AGBL4: variants seen among roughly 807,000 people sequenced by gnomAD.
AGBL4 encodes the protein AGBL carboxypeptidase 4.
AGBL4 carries 58 observed loss-of-function variants against 66.4 expected under a neutral mutation model. The ratio of observed to expected loss-of-function variants is 0.87; its 90% CI spans 0.71 to 1.09. The LOEUF (loss-of-function observed/expected upper bound fraction) is 1.09. Ranked by LOEUF, AGBL4 falls within the 50% of genes least tolerant of loss-of-function variation. The pLI is 0.00. For missense variants in AGBL4, 579 were observed against 631.0 expected, an observed-to-expected ratio of 0.92 and a Z score of 0.88; for synonymous variants, 234 against 222.9, an observed-to-expected ratio of 1.05 and a Z score of -0.44.
In AGBL4 at chr1:48,986,369, A is replaced by G. The variant is rs998626665; in HGVS notation, c.594+59215T>C. 6.6e-5 allele frequency among the ~76,000 whole-genome samples: 10 copies of G among 152,198 alleles called. 1 individual carries two copies. The highest frequency in any genetic ancestry group is 4.1e-4 in the South Asian group (2 of 4,824). On this transcript the variant is annotated intron_variant, in intron 5 of 13. Transcript: ENST00000371839. ...GAAAACTATACCAGGGCACATCATA[A>G]TCAATTTGTTTAAAGTCAGTAATAA... is the stretch of plus-strand genomic sequence containing the variant.
chr1:48,675,742 T>C (rs1646354535), intron 6 of AGBL4, among the ~76,000 whole-genome samples: 1 of 152,156 alleles, frequency 6.6e-6, no homozygotes, highest in Admixed American at 6.5e-5. Context: ...TAGAGCTGAG[T>C]ATGGTCTAAT....
intron 6 of AGBL4, among the ~76,000 whole-genome samples, chr1:48,790,476 G>A (rs1430860969): frequency 6.6e-6 from 1 of 152,092 alleles, no homozygotes; most frequent in African/African-American, 2.4e-5. Context: ...TTATGAAACA[G>A]AAACAGATTC....
chr1:49,150,914 A>G (rs1220678622), intron 4 of AGBL4, among the ~76,000 whole-genome samples: 1 of 152,172 alleles, frequency 6.6e-6, no homozygotes, highest in Non-Finnish European at 1.5e-5. Context: ...ATACTGAGAA[A>G]TATTTCTGAA....
intron 3 of AGBL4, among the ~76,000 whole-genome samples, chr1:49,464,756 A>G (rs1340411205): frequency 6.6e-6 from 1 of 151,708 alleles, no homozygotes; most frequent in Non-Finnish European, 1.5e-5. Flanking sequence ...TAGAAAAAAA[A>G]ATCATTTGCC....
intron 4 of AGBL4, among the ~76,000 whole-genome samples, chr1:49,101,512 C>T (rs1363702715): frequency 6.6e-6 from 1 of 152,108 alleles, no homozygotes; most frequent in Non-Finnish European, 1.5e-5. Flanking sequence ...TTCTAAACAT[C>T]TATATATGTG....
chr1:48,870,222 A>T (rs1049376569), intron 5 of AGBL4, among the ~76,000 whole-genome samples: 4 of 151,932 alleles, frequency 2.6e-5, no homozygotes, highest in African/African-American at 9.7e-5. Flanking sequence ...TCTCACTAGG[A>T]TCCTCAAGTA....
chr1:49,583,376 C>CT (rs1644583599), intron 3 of AGBL4, among the ~76,000 whole-genome samples: 1 of 152,174 alleles, frequency 6.6e-6, no homozygotes, highest in Non-Finnish European at 1.5e-5. Context: ...TCTGTATCGT[C>CT]TATCATATTT....
Position 48,618,532 on chromosome 1 carries a change from G to A in AGBL4, c.951+15961C>T, listed in dbSNP as rs1645356763. On this transcript the variant is annotated intron_variant, in intron 9 of 13. Transcript: ENST00000371839. ...AGGGTTAGTTTGGAGCACCTCTTTA[G>A]TTCATCCAGCTCTGAAGTTTTCTGG... Among the ~76,000 whole-genome samples, 3 of 152,160 alleles carry A rather than the reference G, an allele frequency of 2.0e-5. No individual in the cohort carries two copies. In the South Asian group the frequency reaches 6.2e-4, roughly 32 times the overall value.
intron 3 of AGBL4, among the ~76,000 whole-genome samples, chr1:49,355,341 G>C (rs953509355): frequency 6.6e-6 from 1 of 152,072 alleles, no homozygotes; most frequent in African/African-American, 2.4e-5. Context: ...GCCAAAACCA[G>C]GGCGTCATCC....
intron 11 of AGBL4, among the ~76,000 whole-genome samples, chr1:48,542,304 G>A (rs1482931664): frequency 3.9e-5 from 6 of 152,132 alleles, no homozygotes; most frequent in Admixed American, 6.5e-5. Flanking sequence ...ATAAACATAC[G>A]TGTGCATGTG....
chr1:49,714,569 C>CATATATATATATATATATAT (rs60965691), intron 2 of AGBL4, among the ~76,000 whole-genome samples: 173 of 141,816 alleles, frequency 1.2e-3, no homozygotes, highest in African/African-American at 4.0e-3. Flanking sequence ...GTAGTATTTA[C>CATATATATATATATATATAT]ATATATATAT....
chr1:49,554,443 T>C (rs1274921235), intron 3 of AGBL4, among the ~76,000 whole-genome samples: 1 of 152,178 alleles, frequency 6.6e-6, no homozygotes, highest in Non-Finnish European at 1.5e-5. Flanking sequence ...GACATAATAA[T>C]AAAACAATTG....
At chr1:49,745,609 A>G (rs1002329665) in intron 2 of AGBL4, among the ~76,000 whole-genome samples, 3 of 151,972 alleles carry the variant, frequency 2.0e-5, no homozygotes, top group African/African-American at 7.2e-5. Flanking sequence ...GACAAAATAT[A>G]TTACTAGAAA....
chr1:48,663,043 A>G (rs1570172203), intron 7 of AGBL4, 109 bp downstream of exon 7: 1 of 1,018,006 alleles, frequency 9.8e-7, no homozygotes, highest in East Asian at 2.4e-5. Context: ...AAATGCATTA[A>G]ATTTCCATTT....
chr1:48,991,639 A>C (rs1275424382), intron 5 of AGBL4, among the ~76,000 whole-genome samples: 3 of 151,942 alleles, frequency 2.0e-5, no homozygotes, highest in Admixed American at 2.0e-4. Context: ...ATACTTCCCT[A>C]GTCTTGTAGG....
chr1:49,009,134 G>A (rs1490112431), intron 5 of AGBL4, among the ~76,000 whole-genome samples: 2 of 151,780 alleles, frequency 1.3e-5, no homozygotes, highest in Non-Finnish European at 2.9e-5. Flanking sequence ...CTGCTAGCAA[G>A]ACTAATAAAG....
intron 3 of AGBL4, among the ~76,000 whole-genome samples, chr1:49,694,016 G>A (rs924331100): frequency 2.6e-5 from 4 of 152,046 alleles, no homozygotes; most frequent in African/African-American, 7.2e-5. Flanking sequence ...CATATGCTGC[G>A]AGCTTTTATT....
chr1:49,553,864 C>T (rs1337679888), intron 3 of AGBL4, among the ~76,000 whole-genome samples: 1 of 152,112 alleles, frequency 6.6e-6, no homozygotes, highest in African/African-American at 2.4e-5. Context: ...TTTGGCTGAG[C>T]ATGGTGGGTC....
At chr1:49,139,687 A>G (rs1646080340) in intron 4 of AGBL4, among the ~76,000 whole-genome samples, 1 of 152,224 alleles carries the variant, frequency 6.6e-6, no homozygotes, top group Non-Finnish European at 1.5e-5. Flanking sequence ...TGGATGGATG[A>G]ATATGAGGAT....
Sources: allele counts gnomAD v4.1 joint callset (sites outside exome capture counted in the v4.1 genomes callset), GRCh38; gene constraint gnomAD v4.1.1; transcripts MANE v1.5; gene names NCBI Gene and HGNC (gene_info 2026-07-23, HGNC 2026-07-21).